Variants in JPH1 observed in about 807,000 individuals in gnomAD.
JPH1 encodes junctophilin-1.
Under a neutral mutation model 53.6 loss-of-function variants are expected in JPH1, and 12 were observed. That is an observed-to-expected ratio of 0.22 (90% CI 0.14 to 0.36). The LOEUF (loss-of-function observed/expected upper bound fraction) is 0.36. Ranked by LOEUF, JPH1 falls within the 10% of genes least tolerant of loss-of-function variation. The probability of loss-of-function intolerance (pLI) is 1.00; values close to 1 mark genes in which losing one functional copy is unlikely to be tolerated. For missense variants in JPH1, 808 were observed against 905.5 expected (o/e 0.89, Z 1.38); for synonymous variants, 375 against 363.8 (o/e 1.03, Z -0.35).
intron 2 of JPH1, among the ~76,000 whole-genome samples, chr8:74,300,782 CA>C (rs1240236411): frequency 1.3e-5 from 2 of 152,158 alleles, no homozygotes; most frequent in Admixed American, 1.3e-4. Flanking sequence ...GAGGAATTCA[CA>C]AAAGAGTAGA....
At chr8:74,293,549 G>A (rs1054912412) in intron 2 of JPH1, among the ~76,000 whole-genome samples, 2 of 152,172 alleles carry the variant, frequency 1.3e-5, no homozygotes, top group East Asian at 1.9e-4. Context: ...ACAGCTGAAC[G>A]AACCACTACC....
intron 2 of JPH1, among the ~76,000 whole-genome samples, chr8:74,290,051 G>A (rs10957706): frequency 0.23 from 34,600 of 152,082 alleles, 4,250 homozygotes; most frequent in South Asian, 0.39. Flanking sequence ...CATACTGAAT[G>A]GGCAAAAACT....
At chr8:74,269,148 T>C (rs1345095326) in intron 2 of JPH1, among the ~76,000 whole-genome samples, 1 of 152,240 alleles carries the variant, frequency 6.6e-6, no homozygotes, top group East Asian at 1.9e-4. Flanking sequence ...TACCTCACTT[T>C]GTTCTGTCTA....
chr8:74,300,717 T>C (rs1162160425), intron 2 of JPH1, among the ~76,000 whole-genome samples: 1 of 152,200 alleles, frequency 6.6e-6, no homozygotes. Context: ...GAATAATTTC[T>C]ATAAGAAGCA....
At chr8:74,255,316 T>C (rs1586738502) in intron 3 of JPH1, among the ~76,000 whole-genome samples, 1 of 152,058 alleles carries the variant, frequency 6.6e-6, no homozygotes, top group Non-Finnish European at 1.5e-5. Context: ...ATTTAATAAA[T>C]GGTGCTGGGA....
At chr8:74,254,048 C>T (rs1318829305) in intron 3 of JPH1, among the ~76,000 whole-genome samples, 1 of 152,112 alleles carries the variant, frequency 6.6e-6, no homozygotes, top group Non-Finnish European at 1.5e-5. Flanking sequence ...TTTTATGAGG[C>T]CAGCATCATC....
intron 2 of JPH1, among the ~76,000 whole-genome samples, chr8:74,283,347 C>A (rs149536567): frequency 5.9e-5 from 9 of 152,110 alleles, no homozygotes; most frequent in Admixed American, 1.3e-4. Flanking sequence ...AACAACACTA[C>A]ATTTTTCAAT....
intron 2 of JPH1, among the ~76,000 whole-genome samples, chr8:74,293,803 A>T (rs1261944756): frequency 6.6e-6 from 1 of 152,182 alleles, no homozygotes; most frequent in African/African-American, 2.4e-5. Context: ...AGCTGAAACT[A>T]TGAGACTATG....
rs78518379 is a variant in JPH1 at position 74,286,381 on chromosome 8, T to C, written c.1140-26878A>G. ...ATGATGATCAAATCATGGTCATTAC[T>C]GTATTTACTACTTTAAACATTGATC... On this transcript the variant is annotated intron_variant, in intron 2 of 5. Coordinates refer to ENST00000342232, the MANE Select transcript of JPH1 (RefSeq NM_020647.4). Among the ~76,000 whole-genome samples the C allele has an allele frequency of 9.4e-3, 1,438 of 152,376 alleles. 16 individuals carry two copies. Among genetic ancestry groups the C allele is most frequent in the African/African-American group, 0.033 (1,373 of 41,580 alleles).
chr8:74,261,390 T>C (rs1806392135), intron 2 of JPH1, among the ~76,000 whole-genome samples: 1 of 152,206 alleles, frequency 6.6e-6, no homozygotes, highest in Admixed American at 6.5e-5. Flanking sequence ...ATTTTTCTGA[T>C]AACTTAAAAC....
intron 2 of JPH1, among the ~76,000 whole-genome samples, chr8:74,279,913 T>C (rs1056486189): frequency 6.6e-6 from 1 of 152,226 alleles, no homozygotes; most frequent in Admixed American, 6.5e-5. Flanking sequence ...TATTTTTAAA[T>C]AAATTCATTT....
At chr8:74,255,810 A>G (rs1261829701) in intron 3 of JPH1, among the ~76,000 whole-genome samples, 4 of 152,362 alleles carry the variant, frequency 2.6e-5, no homozygotes, top group Middle Eastern at 6.8e-3. Flanking sequence ...ATCACTGGCC[A>G]TCAGAGAAAT....
At chr8:74,293,552 C>T (rs73686595) in intron 2 of JPH1, among the ~76,000 whole-genome samples, 1 of 152,180 alleles carries the variant, frequency 6.6e-6, no homozygotes, top group East Asian at 1.9e-4. Context: ...GCTGAACGAA[C>T]CACTACCCCA....
chr8:74,250,424 T>C (rs1406558748), intron 3 of JPH1, among the ~76,000 whole-genome samples: 1 of 152,198 alleles, frequency 6.6e-6, no homozygotes, highest in African/African-American at 2.4e-5. Flanking sequence ...TGAGCCACTG[T>C]GCCTAGCCTA....
intron 2 of JPH1, among the ~76,000 whole-genome samples, chr8:74,270,101 T>TTA (rs1806655663): frequency 1.3e-5 from 2 of 152,302 alleles, no homozygotes; most frequent in African/African-American, 4.8e-5. Flanking sequence ...TATTTTTTTT[T>TTA]AACGAGTTTC....
chr8:74,286,134 C>T (rs975816102), intron 2 of JPH1, among the ~76,000 whole-genome samples: 4 of 152,194 alleles, frequency 2.6e-5, no homozygotes, highest in Non-Finnish European at 4.4e-5. Flanking sequence ...TGGTGGTTAC[C>T]TTGATCCATA....
chr8:74,255,390 T>G (rs1025521544), intron 3 of JPH1, among the ~76,000 whole-genome samples: 14 of 151,950 alleles, frequency 9.2e-5, no homozygotes, highest in Non-Finnish European at 1.5e-5. Flanking sequence ...ATACAAAAAT[T>G]AATTCAAGAT....
At chr8:74,257,206 G>C (rs900075236) in intron 3 of JPH1, among the ~76,000 whole-genome samples, 3 of 152,178 alleles carry the variant, frequency 2.0e-5, no homozygotes, top group Non-Finnish European at 4.4e-5. Context: ...ACCCGCTGTC[G>C]TCCATGCTAC....
chr8:74,261,100 G>A (rs1418804405), intron 2 of JPH1, among the ~76,000 whole-genome samples: 1 of 152,160 alleles, frequency 6.6e-6, no homozygotes, highest in Non-Finnish European at 1.5e-5. Context: ...GGTGTAGTAG[G>A]GAAGAATGAA....
Sources: gnomAD v4.1 joint callset for allele counts (sites outside exome capture counted in the v4.1 genomes callset) on GRCh38, gnomAD v4.1.1 for gene constraint, MANE v1.5 for transcripts, NCBI Gene and HGNC (gene_info 2026-07-23, HGNC 2026-07-21) for gene names.